EPHA5: variants seen among roughly 807,000 people sequenced by gnomAD.
EPHA5 encodes EPH receptor A5.
Under a neutral mutation model 105.0 loss-of-function variants are expected in EPHA5, and 60 were observed. The observed-to-expected ratio is 0.57, with a 90% CI of 0.46 to 0.71. EPHA5 has a LOEUF of 0.71. Ranked by LOEUF, EPHA5 falls within the 30% of genes least tolerant of loss-of-function variation. The probability of loss-of-function intolerance (pLI) is 0.00; values close to 1 mark genes in which losing one functional copy is unlikely to be tolerated. For missense variants in EPHA5, 1,218 were observed against 1,274.7 expected (o/e 0.96, Z 0.68); for synonymous variants, 513 against 449.1 (o/e 1.14, Z -1.80).
chr4:65,513,859 C>A (rs1733858251), intron 3 of EPHA5, among the ~76,000 whole-genome samples: 1 of 152,014 alleles, frequency 6.6e-6, no homozygotes, highest in African/African-American at 2.4e-5. Context: ...TACACTTAAC[C>A]TCCCATGTTA....
chr4:65,553,045 A>T (rs950653712), intron 3 of EPHA5, among the ~76,000 whole-genome samples: 2 of 152,072 alleles, frequency 1.3e-5, no homozygotes, highest in Admixed American at 1.3e-4. Flanking sequence ...GTTGGAGACA[A>T]TGAAAATCAC....
chr4:65,552,875 A>T (rs890118155), intron 3 of EPHA5, among the ~76,000 whole-genome samples: 1 of 152,120 alleles, frequency 6.6e-6, no homozygotes, highest in African/African-American at 2.4e-5. Flanking sequence ...TTTAGTAAAT[A>T]AGCAATATGA....
chr4:65,578,644 A>C (rs760009388), intron 3 of EPHA5, among the ~76,000 whole-genome samples: 1 of 152,234 alleles, frequency 6.6e-6, no homozygotes, highest in Non-Finnish European at 1.5e-5. Flanking sequence ...AATTTTTGCA[A>C]TTAAAAGTGT....
chr4:65,450,107 TA>T (rs776661463), intron 5 of EPHA5, among the ~76,000 whole-genome samples: 4 of 152,276 alleles, frequency 2.6e-5, no homozygotes, highest in Non-Finnish European at 5.9e-5. Context: ...CGTTTTTAAA[TA>T]TTTTTTTTAC....
At chr4:65,447,905 CAA>C (rs1726706989) in intron 5 of EPHA5, among the ~76,000 whole-genome samples, 1 of 151,836 alleles carries the variant, frequency 6.6e-6, no homozygotes, top group Non-Finnish European at 1.5e-5. Context: ...ATTTATCTAA[CAA>C]AAGTGTCAAA....
At chr4:65,548,849 T>C (rs925729323) in intron 3 of EPHA5, among the ~76,000 whole-genome samples, 1 of 152,154 alleles carries the variant, frequency 6.6e-6, no homozygotes, top group Non-Finnish European at 1.5e-5. Context: ...TCACTGAGTG[T>C]TGAGGTGTCA....
chr4:65,483,375 C>T lies in EPHA5; in HGVS notation c.1402+7002G>A, dbSNP rs1168548479. ...ACTTACAATCCTTTGGGTATATACCCAGTAATGGGATGGCTGGGTCAAATG... is the reference window on the plus strand; with the variant it reads ...ACTTACAATCCTTTGGGTATATACCTAGTAATGGGATGGCTGGGTCAAATG... On this transcript the variant is annotated intron_variant, in intron 5 of 16. Coordinates refer to ENST00000613740, the MANE Select transcript of EPHA5 (RefSeq NM_001281766.3). Among the ~76,000 whole-genome samples the T allele has an allele frequency of 2.6e-5, 4 of 152,092 alleles. No individual in the cohort carries two copies. The East Asian group carries it at 5.8e-4, about 22-fold the overall frequency.
intron 2 of EPHA5, among the ~76,000 whole-genome samples, chr4:65,610,580 T>G (rs2149456901): frequency 6.6e-6 from 1 of 152,226 alleles, no homozygotes; most frequent in Non-Finnish European, 1.5e-5. Context: ...ATGGGATATT[T>G]TTCCTTGAAA....
chr4:65,431,644 C>T (rs1315417325), intron 5 of EPHA5, among the ~76,000 whole-genome samples: 6 of 152,056 alleles, frequency 3.9e-5, no homozygotes, highest in African/African-American at 9.7e-5. Flanking sequence ...GTATGCCAAG[C>T]GCTAGTGAGT....
Position 65,555,968 on chromosome 4 carries a change from C to T in EPHA5, c.910+45673G>A, listed in dbSNP as rs192483646. ...TTCCAAATGTTCAGAAATGTATTTT[C>T]CCAAATAGTAGCCTTTCTTCATTCT... On this transcript the variant is annotated intron_variant, in intron 3 of 16. Coordinates refer to ENST00000613740, the MANE Select transcript of EPHA5 (RefSeq NM_001281766.3). 4.5e-4 allele frequency among the ~76,000 whole-genome samples: 68 copies of T among 152,174 alleles called. 1 individual carries two copies. Among genetic ancestry groups the T allele is most frequent in the Non-Finnish European group, 8.8e-4 (60 of 68,004 alleles).
intron 2 of EPHA5, among the ~76,000 whole-genome samples, chr4:65,625,100 A>G (rs1265844713): frequency 6.6e-6 from 1 of 152,174 alleles, no homozygotes; most frequent in Non-Finnish European, 1.5e-5. Context: ...GATTTAGATA[A>G]TAAAGGAAAC....
intron 5 of EPHA5, among the ~76,000 whole-genome samples, chr4:65,472,906 C>A (rs1485809048): frequency 2.6e-5 from 4 of 152,216 alleles, no homozygotes; most frequent in Non-Finnish European, 4.4e-5. Flanking sequence ...GCTTGAATTT[C>A]TCCCGAGAAA....
At chr4:65,349,099 A>T (rs1466855804) in intron 13 of EPHA5, among the ~76,000 whole-genome samples, 1 of 151,850 alleles carries the variant, frequency 6.6e-6, no homozygotes, top group African/African-American at 2.4e-5. Context: ...TACAGGCGTG[A>T]GCTACTGGGC....
chr4:65,542,824 A>G (rs1235649743), intron 3 of EPHA5, among the ~76,000 whole-genome samples: 1 of 152,034 alleles, frequency 6.6e-6, no homozygotes, highest in Non-Finnish European at 1.5e-5. Context: ...AAAATCCTCA[A>G]TAAAATACTG....
At chr4:65,637,168 T>A (rs1051053496) in intron 2 of EPHA5, among the ~76,000 whole-genome samples, 1 of 149,292 alleles carries the variant, frequency 6.7e-6, no homozygotes, top group Admixed American at 6.7e-5. Flanking sequence ...TGGCATTTCC[T>A]AATTAAGGGG....
At chr4:65,563,831 T>C (rs1355531724) in intron 3 of EPHA5, among the ~76,000 whole-genome samples, 3 of 152,022 alleles carry the variant, frequency 2.0e-5, no homozygotes, top group Non-Finnish European at 4.4e-5. Context: ...GATTTTTATA[T>C]GCAAAGTTGT....
In EPHA5 at chr4:65,495,921, A is replaced by G. The variant is rs576295149; in HGVS notation, c.911-378T>C. 1.3e-4 allele frequency among the ~76,000 whole-genome samples: 20 copies of G among 152,290 alleles called. No individual in the cohort carries two copies. In the Middle Eastern group the frequency reaches 0.01, roughly 78 times the overall value. ...ATGTTGAAGAAATAAATATTATTCC[A>G]TGTACTGCTAAAATGGTATGATACA... On this transcript the variant is annotated intron_variant, in intron 3 of 16. Coordinates refer to ENST00000613740, the MANE Select transcript of EPHA5 (RefSeq NM_001281766.3).
At chr4:65,421,349 G>A (rs372975154) in intron 5 of EPHA5, among the ~76,000 whole-genome samples, 33 of 152,116 alleles carry the variant, frequency 2.2e-4, no homozygotes, top group East Asian at 1.2e-3. Context: ...AAAAGACATG[G>A]CAACATAGAA....
intron 3 of EPHA5, among the ~76,000 whole-genome samples, chr4:65,504,162 A>G (rs186903776): frequency 2.0e-5 from 3 of 151,512 alleles, no homozygotes; most frequent in Non-Finnish European, 3.0e-5. Flanking sequence ...CATAGTATCA[A>G]TGATTAATTA....
Sources: allele counts gnomAD v4.1 joint callset (sites outside exome capture counted in the v4.1 genomes callset), GRCh38; gene constraint gnomAD v4.1.1; transcripts MANE v1.5; gene names NCBI Gene and HGNC (gene_info 2026-07-23, HGNC 2026-07-21).